Variants in GNB4 observed in about 807,000 individuals in gnomAD.
The protein encoded by GNB4 is G protein subunit beta 4, also known as guanine nucleotide-binding protein subunit beta-4.
Under a neutral mutation model 45.2 loss-of-function variants are expected in GNB4, and 28 were observed. The ratio of observed to expected loss-of-function variants is 0.62; its 90% CI spans 0.46 to 0.85. The LOEUF (loss-of-function observed/expected upper bound fraction) is 0.85, where lower values mean the gene tolerates loss of function less well. GNB4 is among the 40% of genes least tolerant of loss of function. The pLI is 0.00. For synonymous variants in GNB4, 132 were observed against 143.7 expected (o/e 0.92, Z 0.58); for missense variants, 321 against 425.4 (o/e 0.75, Z 2.16).
chr3:179,423,486 TG>T (rs1715053649), intron 2 of GNB4, among the ~76,000 whole-genome samples: 1 of 152,318 alleles, frequency 6.6e-6, no homozygotes, highest in Admixed American at 6.5e-5. Flanking sequence ...TGATCATCAA[TG>T]AAGTTAAGAA....
At chr3:179,504,298 G>A in the GNB4 span, among the ~76,000 whole-genome samples, 7 of 152,018 alleles carry the variant, frequency 4.6e-5, no homozygotes, top group African/African-American at 1.2e-4. Flanking sequence ...TATGTCATGG[G>A]CAGAAAATAT....
At chr3:179,441,192 G>A (rs1417730868) in intron 1 of GNB4, among the ~76,000 whole-genome samples, 1 of 152,180 alleles carries the variant, frequency 6.6e-6, no homozygotes, top group Admixed American at 6.5e-5. Flanking sequence ...ATACAGCCAT[G>A]CATCACTTAA....
chr3:179,474,555 C>G, the GNB4 span, among the ~76,000 whole-genome samples: 1 of 151,934 alleles, frequency 6.6e-6, no homozygotes, highest in Non-Finnish European at 1.5e-5. Context: ...GAGATTTACA[C>G]CTGATTTAAA....
chr3:179,435,924 C>T (rs1715434565), intron 1 of GNB4, among the ~76,000 whole-genome samples: 1 of 152,164 alleles, frequency 6.6e-6, no homozygotes, highest in African/African-American at 2.4e-5. Flanking sequence ...AGAATGTCCA[C>T]AGAACTTTTA....
At chr3:179,455,729 A>G (rs1438464449), upstream of GNB4, among the ~76,000 whole-genome samples, 1 of 152,238 alleles carries the variant, frequency 6.6e-6, no homozygotes, top group African/African-American at 2.4e-5. Context: ...TTAGGACAAC[A>G]ACAATTATTT....
the GNB4 span, among the ~76,000 whole-genome samples, chr3:179,482,780 G>A: frequency 2.0e-5 from 3 of 152,182 alleles, no homozygotes; most frequent in Non-Finnish European, 4.4e-5. Context: ...TTGAGGTGAG[G>A]GAGGTGGTAT....
intron 2 of GNB4, among the ~76,000 whole-genome samples, chr3:179,425,712 C>G (rs1246968713): frequency 6.6e-6 from 1 of 152,156 alleles, no homozygotes; most frequent in Admixed American, 6.5e-5. Flanking sequence ...CTCAGGTGAT[C>G]CACCTGCCTC....
intron 1 of GNB4, among the ~76,000 whole-genome samples, chr3:179,430,555 C>A (rs925046250): frequency 6.6e-6 from 1 of 151,998 alleles, no homozygotes; most frequent in African/African-American, 2.4e-5. Context: ...TGAGCTCACC[C>A]AATTCTTCCA....
the GNB4 span, among the ~76,000 whole-genome samples, chr3:179,463,430 A>G: frequency 2.0e-5 from 3 of 152,246 alleles, no homozygotes; most frequent in Non-Finnish European, 2.9e-5. Flanking sequence ...TATGTTAATA[A>G]TAGTAAATAT....
In GNB4 at chr3:179,401,336, G is replaced by A. The variant is rs774060383; in HGVS notation, c.917-17C>T. The A allele has an allele frequency of 3.8e-6, 6 of 1,580,364 alleles. No individual in the cohort carries two copies. Among genetic ancestry groups the A allele is most frequent in the East Asian group, 2.2e-5 (1 of 44,464 alleles). ...CAAGGACACCTGAAAAAAAAATTCAGTAAAAAATTGGCAATTGTAGGGTTT... is the reference window on the plus strand; with the variant it reads ...CAAGGACACCTGAAAAAAAAATTCAATAAAAAATTGGCAATTGTAGGGTTT... On this transcript the variant is annotated splice_polypyrimidine_tract_variant and intron_variant, in intron 9 of 9. Coordinates refer to ENST00000232564, the MANE Select transcript of GNB4 (RefSeq NM_021629.4).
the GNB4 span, among the ~76,000 whole-genome samples, chr3:179,501,575 T>C: frequency 6.6e-6 from 1 of 151,666 alleles, no homozygotes; most frequent in Non-Finnish European, 1.5e-5. Flanking sequence ...TCCACCCGCC[T>C]TGGCCTCCCA....
At chr3:179,403,518 C>T (rs553251867) in intron 9 of GNB4, among the ~76,000 whole-genome samples, 4 of 152,172 alleles carry the variant, frequency 2.6e-5, no homozygotes, top group Admixed American at 2.0e-4. Context: ...TCAGGCCGGG[C>T]GCAGTGGCTC....
chr3:179,526,790 C>T, the GNB4 span, among the ~76,000 whole-genome samples: 1 of 152,194 alleles, frequency 6.6e-6, no homozygotes, highest in Non-Finnish European at 1.5e-5. Context: ...TTCTCATCAG[C>T]TAGCTCCTTA....
the GNB4 span, chr3:179,464,972 G>T: frequency 1.9e-6 from 3 of 1,543,728 alleles, no homozygotes; most frequent in Non-Finnish European, 2.7e-6. Context: ...AATGCCCATT[G>T]CAATGTTACT....
intron 4 of GNB4, among the ~76,000 whole-genome samples, chr3:179,417,739 G>A (rs952263289): frequency 1.3e-5 from 2 of 152,162 alleles, no homozygotes; most frequent in Non-Finnish European, 2.9e-5. Flanking sequence ...AAATAAAAAA[G>A]GATATACAGA....
the GNB4 span, among the ~76,000 whole-genome samples, chr3:179,510,043 T>C: frequency 2.0e-5 from 3 of 152,170 alleles, no homozygotes; most frequent in Non-Finnish European, 2.9e-5. Context: ...ATGCCCAGGC[T>C]GGTCTCAAAT....
At chr3:179,524,110 G>A in the GNB4 span, among the ~76,000 whole-genome samples, 35 of 152,290 alleles carry the variant, frequency 2.3e-4, 1 homozygote, top group African/African-American at 6.7e-4. Flanking sequence ...AGAAGGGGAC[G>A]GACTTACCCT....
the GNB4 span, among the ~76,000 whole-genome samples, chr3:179,499,666 C>T: frequency 6.6e-6 from 1 of 152,234 alleles, no homozygotes; most frequent in Admixed American, 6.5e-5. Flanking sequence ...GGAATTGCCA[C>T]ACTGTCTTCC....
chr3:179,425,742 A>G (rs530382299), intron 2 of GNB4, among the ~76,000 whole-genome samples: 18 of 152,326 alleles, frequency 1.2e-4, no homozygotes, highest in Admixed American at 9.8e-4. Context: ...AAGTGCTGGG[A>G]TTACAGGCAT....
Sources: allele counts gnomAD v4.1 joint callset (sites outside exome capture counted in the v4.1 genomes callset), GRCh38; gene constraint gnomAD v4.1.1; transcripts MANE v1.5; gene names NCBI Gene and HGNC (gene_info 2026-07-23, HGNC 2026-07-21).